Variants in R3HDM2 observed in about 807,000 individuals in gnomAD.
R3HDM2 encodes R3H domain-containing protein 2.
R3HDM2 carries 38 observed loss-of-function variants against 124.5 expected under a neutral mutation model. The ratio of observed to expected loss-of-function variants is 0.31; its 90% CI spans 0.24 to 0.40. The LOEUF is 0.40. Among genes scored for constraint, R3HDM2 ranks in the 10% least tolerant of loss-of-function variants. R3HDM2 has a pLI of 1.00. For synonymous variants in R3HDM2, 391 were observed against 448.0 expected, an observed-to-expected ratio of 0.87 and a Z score of 1.61; for missense variants, 869 against 1,236.9, an observed-to-expected ratio of 0.70 and a Z score of 4.46.
chr12:57,354,665 C>A (rs965901208), intron 2 of R3HDM2, among the ~76,000 whole-genome samples: 1 of 151,882 alleles, frequency 6.6e-6, no homozygotes, highest in Non-Finnish European at 1.5e-5. Context: ...CTTCCCTGGC[C>A]GAGTGTTTGT....
Position 57,253,971 on chromosome 12 carries a change from C to A in R3HDM2, c.*802G>T, listed in dbSNP as rs1449139331. ...AGTGTTCTGGGGGGGCCAGGGGAAT[C>A]CCAAGTTTTAACTCTGTGGGGTCTA... On this transcript the variant is annotated 3_prime_UTR_variant, in exon 24 of 24. Coordinates refer to ENST00000402412, the MANE Select transcript of R3HDM2 (RefSeq NM_001394031.1). The A allele has an allele frequency of 2.8e-6, 1 of 357,586 alleles. No individual in the cohort carries two copies. The highest frequency in any genetic ancestry group is 2.2e-5 in the African/African-American group (1 of 45,410). 22.2% of individuals were successfully genotyped at this position (357,586 alleles called of 1,614,324 possible). A position where few individuals can be genotyped will look rare whatever the true frequency, so the allele number is the denominator to read the frequency against.
At chr12:57,281,458 AAC>A (rs2046113282) in intron 13 of R3HDM2, among the ~76,000 whole-genome samples, 2 of 152,110 alleles carry the variant, frequency 1.3e-5, no homozygotes, top group African/African-American at 4.8e-5. Context: ...AGATGAGTGA[AAC>A]ACAGTCCTTG....
chr12:57,363,114 C>A (rs529851348), intron 2 of R3HDM2, among the ~76,000 whole-genome samples: 10 of 152,298 alleles, frequency 6.6e-5, no homozygotes, highest in African/African-American at 2.2e-4. Flanking sequence ...TAAGCCACTG[C>A]GCCCAGCCTG....
chr12:57,386,395 C>A (rs2065788977), intron 2 of R3HDM2, among the ~76,000 whole-genome samples: 1 of 152,252 alleles, frequency 6.6e-6, no homozygotes, highest in African/African-American at 2.4e-5. Flanking sequence ...TCGGCAGGCT[C>A]CGCACTCGGA....
chr12:57,283,844 G>A lies in R3HDM2; in HGVS notation c.1151C>T (p.Ala384Val), dbSNP rs758829448. The change falls in exon 13 of 24, where the codon GCG becomes GTG. Residue 384 changes from alanine (A) to valine (V), a missense_variant. Physicochemically the swap from Ala to Val is moderately conservative, Grantham distance 64. Transcript: ENST00000402412. ...AATACCTGGCCTGGAGATCCTTCCC[G>A]CACTGCCGCCTTTACTGCTGCCGAT... is the stretch of plus-strand genomic sequence containing the variant. Reference protein sequence around the residue: ...DSIGSSKGGSAGRISRPGMAL... With the variant: ...DSIGSSKGGSVGRISRPGMAL... 6.8e-6 allele frequency: 11 copies of A among 1,614,022 alleles called. No homozygotes were observed. Among genetic ancestry groups the A allele is most frequent in the East Asian group, 6.7e-5 (3 of 44,888 alleles).
chr12:57,338,258 G>A (rs2059121289), intron 2 of R3HDM2, among the ~76,000 whole-genome samples: 1 of 152,112 alleles, frequency 6.6e-6, no homozygotes, highest in Non-Finnish European at 1.5e-5. Flanking sequence ...AGCCAAGATC[G>A]CACCATTGCA....
chr12:57,415,105 A>G (rs1440167286), intron 1 of R3HDM2, among the ~76,000 whole-genome samples: 1 of 152,168 alleles, frequency 6.6e-6, no homozygotes, highest in Non-Finnish European at 1.5e-5. Flanking sequence ...ATTTCTAATA[A>G]TGAATATTAT....
At chr12:57,348,715 A>AAAAAG (rs2060323032) in intron 2 of R3HDM2, among the ~76,000 whole-genome samples, 1 of 27,102 alleles carries the variant, frequency 3.7e-5, no homozygotes, top group African/African-American at 6.9e-5. Context: ...AAAAAAAAAA[A>AAAAAG]AAAAAAGAGA....
intron 2 of R3HDM2, among the ~76,000 whole-genome samples, chr12:57,392,601 T>A (rs2066866699): frequency 6.6e-6 from 1 of 152,132 alleles, no homozygotes; most frequent in Non-Finnish European, 1.5e-5. Context: ...TCTCTCTCTT[T>A]TTTATTTTTG....
chr12:57,379,473 G>T (rs563634220), intron 2 of R3HDM2, among the ~76,000 whole-genome samples: 33 of 152,164 alleles, frequency 2.2e-4, no homozygotes, highest in African/African-American at 7.7e-4. Context: ...CCAGCTACTC[G>T]GGAGGCTGAG....
At chr12:57,328,646 C>A (rs979326124) in intron 2 of R3HDM2, among the ~76,000 whole-genome samples, 6 of 152,114 alleles carry the variant, frequency 3.9e-5, no homozygotes, top group African/African-American at 1.4e-4. Context: ...TTAAGTTATC[C>A]TCCCATCTCA....
chr12:57,261,757 CAA>C (rs35440132), intron 19 of R3HDM2, among the ~76,000 whole-genome samples: 2 of 82,010 alleles, frequency 2.4e-5, no homozygotes, highest in Non-Finnish European at 4.7e-5. Flanking sequence ...ATAGACGTGG[CAA>C]AAAAAAAAAA....
At chr12:57,359,913 C>T (rs942833777) in intron 2 of R3HDM2, among the ~76,000 whole-genome samples, 3 of 149,782 alleles carry the variant, frequency 2.0e-5, no homozygotes, top group Non-Finnish European at 3.0e-5. Context: ...ATATAAGAAT[C>T]GTGAAACAGT....
intron 18 of R3HDM2, 62 bp from the exon 19 acceptor site, chr12:57,266,893 A>G: frequency 8.3e-7 from 1 of 1,205,046 alleles, no homozygotes; most frequent in South Asian, 1.5e-5. Flanking sequence ...GCTCCTGGCA[A>G]ACAGCTGCTG....
Position 57,280,360 on chromosome 12 carries a change from GTGAGATCA to G in R3HDM2, c.1334_1341del (p.Met445ThrfsTer4). Reference sequence around the variant, plus strand: ...TCTGACACTGAGTGGTGACTCACCTGTGAGATCATGTGATTATTCAAGGGTGGCTGTTG... The same window carrying G: ...TCTGACACTGAGTGGTGACTCACCTGTGTGATTATTCAAGGGTGGCTGTTG... On this transcript the variant is annotated frameshift_variant, in exon 14 of 24. Transcript: ENST00000402412. LOFTEE classifies it high-confidence loss of function. The G allele has an allele frequency of 6.2e-7, 1 of 1,612,856 alleles. No homozygotes were observed. The highest frequency in any genetic ancestry group is 8.5e-7 in the Non-Finnish European group (1 of 1,179,244).
At chr12:57,371,082 A>AT (rs1491062795) in intron 2 of R3HDM2, among the ~76,000 whole-genome samples, 1 of 50,806 alleles carries the variant, frequency 2.0e-5, no homozygotes, top group African/African-American at 6.7e-5. Context: ...ATATACCATT[A>AT]CTTTTTTTTT....
chr12:57,333,582 C>T (rs1450196511), intron 2 of R3HDM2, among the ~76,000 whole-genome samples: 2 of 152,042 alleles, frequency 1.3e-5, no homozygotes, highest in Non-Finnish European at 2.9e-5. Context: ...ATCCCAGCTA[C>T]TTTGAAGGCT....
chr12:57,429,217 T>C (rs1266364216), intron 1 of R3HDM2, among the ~76,000 whole-genome samples: 1 of 149,942 alleles, frequency 6.7e-6, no homozygotes, highest in Non-Finnish European at 1.5e-5. Context: ...CAAGATCCCA[T>C]CCCTACGAAA....
At chr12:57,305,338 C>T (rs552495850) in intron 3 of R3HDM2, among the ~76,000 whole-genome samples, 37 of 152,110 alleles carry the variant, frequency 2.4e-4, no homozygotes, top group African/African-American at 7.2e-4. Context: ...ACTTATTTTA[C>T]GAGTCTCTAA....
Sources: gnomAD v4.1 joint callset for allele counts (sites outside exome capture counted in the v4.1 genomes callset) on GRCh38, gnomAD v4.1.1 for gene constraint, MANE v1.5 for transcripts, NCBI Gene and HGNC (gene_info 2026-07-23, HGNC 2026-07-21) for gene names.